The following RHOH variants were observed in gnomAD, a reference collection of about 807,000 sequenced individuals.
The protein encoded by RHOH is rho-related GTP-binding protein RhoH.
In RHOH, 6 loss-of-function variants were observed where a neutral mutation model predicts 13.8. That is an observed-to-expected ratio of 0.44 (90% CI 0.24 to 0.86). The LOEUF (loss-of-function observed/expected upper bound fraction) is 0.86. Ranked by LOEUF, RHOH falls within the 40% of genes least tolerant of loss-of-function variation. The probability of loss-of-function intolerance (pLI) is 0.24; values close to 1 mark genes in which losing one functional copy is unlikely to be tolerated. For missense variants in RHOH, 147 were observed against 244.5 expected (o/e 0.60, Z 2.66); for synonymous variants, 117 against 103.0 (o/e 1.14, Z -0.82).
At chr4:40,202,656 G>C (rs922048611) in intron 1 of RHOH, among the ~76,000 whole-genome samples, 1 of 152,198 alleles carries the variant, frequency 6.6e-6, no homozygotes, top group Non-Finnish European at 1.5e-5. Context: ...GTGAGCTGTG[G>C]ATGCTAAAGG....
intron 1 of RHOH, among the ~76,000 whole-genome samples, chr4:40,201,943 GAGTT>G (rs1438189339): frequency 2.9e-4 from 41 of 141,916 alleles, no homozygotes; most frequent in African/African-American, 1.0e-3. Context: ...TTAACTCCAT[GAGTT>G]TTTTTTTTTT....
chr4:40,245,684 C>CT lies in RHOH; in HGVS notation c.*1723dup, dbSNP rs1402919917. ...ACATCATTGTTATGGGGTAACGTGA[C>CT]TATTACACACAAAAGGTAAGGTGGC... is the stretch of plus-strand genomic sequence containing the variant. On this transcript the variant is annotated 3_prime_UTR_variant, in exon 3 of 3. Transcript: ENST00000381799. 1 of 151,982 alleles carries CT rather than the reference C, an allele frequency of 6.6e-6. No individual in the cohort carries two copies. Among genetic ancestry groups the CT allele is most frequent in the Non-Finnish European group, 1.5e-5 (1 of 68,024 alleles). 9.4% of individuals were successfully genotyped at this position (151,982 alleles called of 1,614,324 possible). A position where few individuals can be genotyped will look rare whatever the true frequency, so the allele number is the denominator to read the frequency against.
At chr4:40,212,368 T>C (rs904627046) in intron 1 of RHOH, among the ~76,000 whole-genome samples, 1 of 152,180 alleles carries the variant, frequency 6.6e-6, no homozygotes, top group Non-Finnish European at 1.5e-5. Flanking sequence ...ATGATTGATA[T>C]TGTTGAGAGT....
intron 1 of RHOH, among the ~76,000 whole-genome samples, chr4:40,216,423 C>G (rs532706310): frequency 6.6e-6 from 1 of 151,932 alleles, no homozygotes; most frequent in Non-Finnish European, 1.5e-5. Flanking sequence ...AAGCCGAGAT[C>G]GCACCACTGC....
chr4:40,211,669 C>T (rs1022882341), intron 1 of RHOH, among the ~76,000 whole-genome samples: 1 of 152,126 alleles, frequency 6.6e-6, no homozygotes, highest in African/African-American at 2.4e-5. Flanking sequence ...GTGGATGGTA[C>T]AAAGACCAAA....
chr4:40,221,237 G>A (rs1004041084), intron 1 of RHOH, among the ~76,000 whole-genome samples: 24 of 152,216 alleles, frequency 1.6e-4, no homozygotes, highest in Middle Eastern at 3.4e-3. Context: ...AAGATAGATC[G>A]CACCAGACAA....
intron 1 of RHOH, among the ~76,000 whole-genome samples, chr4:40,199,383 G>A (rs2109350702): frequency 6.6e-6 from 1 of 152,354 alleles, no homozygotes; most frequent in Middle Eastern, 3.4e-3. Context: ...GGAAAGTAGG[G>A]TGACAGGTGG....
chr4:40,237,182 G>A (rs1728684585), intron 1 of RHOH, among the ~76,000 whole-genome samples: 1 of 152,172 alleles, frequency 6.6e-6, no homozygotes, highest in Non-Finnish European at 1.5e-5. Flanking sequence ...GCCGGGTAAG[G>A]TGGCTCACGC....
At chr4:40,240,821 A>G (rs945738097) in intron 1 of RHOH, among the ~76,000 whole-genome samples, 5 of 151,800 alleles carry the variant, frequency 3.3e-5, no homozygotes, top group Non-Finnish European at 2.9e-5. Flanking sequence ...TGTCCGAAGC[A>G]TGTACATTTT....
intron 1 of RHOH, among the ~76,000 whole-genome samples, chr4:40,211,876 A>G (rs1017049426): frequency 6.6e-6 from 1 of 152,190 alleles, no homozygotes; most frequent in Non-Finnish European, 1.5e-5. Flanking sequence ...TGGGAATTAT[A>G]ATGTCAAAAT....
At position 40,244,092 on chromosome 4, in the gene RHOH, A is replaced by C; in HGVS notation, c.*130A>C. 1.4e-6 allele frequency: 1 copy of C among 722,372 alleles called. No homozygotes were observed. Among genetic ancestry groups the C allele is most frequent in the Non-Finnish European group, 2.3e-6 (1 of 437,270 alleles). The allele number at this position is 722,372 out of a possible 1,614,324, so 44.7% of individuals were successfully genotyped here. On this transcript the variant is annotated 3_prime_UTR_variant, in exon 3 of 3. Coordinates refer to ENST00000381799, the MANE Select transcript of RHOH (RefSeq NM_004310.5). ...CCAAGCAGCGTCTCCTTTTGGATACAGTTATTGATGAGGCTTGGCCACTGG... is the reference window on the plus strand; with the variant it reads ...CCAAGCAGCGTCTCCTTTTGGATACCGTTATTGATGAGGCTTGGCCACTGG...
chr4:40,229,672 C>T (rs1056196894), intron 1 of RHOH, among the ~76,000 whole-genome samples: 1 of 151,722 alleles, frequency 6.6e-6, no homozygotes, highest in African/African-American at 2.4e-5. Context: ...AAACAAAAGC[C>T]CCCACGCTTT....
intron 1 of RHOH, among the ~76,000 whole-genome samples, chr4:40,207,352 G>A (rs1192041444): frequency 2.0e-5 from 3 of 152,142 alleles, no homozygotes; most frequent in Non-Finnish European, 4.4e-5. Flanking sequence ...GCAACTATGA[G>A]TATTTTTTCT....
At chr4:40,227,558 G>A (rs1051202697) in intron 1 of RHOH, among the ~76,000 whole-genome samples, 5 of 152,078 alleles carry the variant, frequency 3.3e-5, no homozygotes, top group Non-Finnish European at 5.9e-5. Context: ...TTTTTTTTCC[G>A]CAGCAGGGAA....
chr4:40,198,761 G>A (rs1224011768), intron 1 of RHOH, among the ~76,000 whole-genome samples: 3 of 152,222 alleles, frequency 2.0e-5, no homozygotes, highest in African/African-American at 7.2e-5. Flanking sequence ...GGGAGAACGA[G>A]TTGGTTGATG....
At chr4:40,241,193 C>T (rs934333571) in intron 1 of RHOH, among the ~76,000 whole-genome samples, 19 of 152,128 alleles carry the variant, frequency 1.2e-4, no homozygotes, top group African/African-American at 3.1e-4. Context: ...TCCATGACCA[C>T]GGTGTGTGAC....
At position 40,220,619 on chromosome 4, in the gene RHOH, T is replaced by A. The variant is rs189038661; in HGVS notation, c.-330-22095T>A. 4.3e-3 allele frequency among the ~76,000 whole-genome samples: 645 copies of A among 151,658 alleles called. 5 individuals carry two copies. Among genetic ancestry groups the A allele is most frequent in the African/African-American group, 0.012 (514 of 41,328 alleles). On this transcript the variant is annotated intron_variant, in intron 1 of 2. Coordinates refer to ENST00000381799, the MANE Select transcript of RHOH (RefSeq NM_004310.5). ...ATTATTAACTAAGTAAAAAAAAAAA[T>A]TTTTTTAACCTCTGGGCCTAGTCTA...
intron 1 of RHOH, among the ~76,000 whole-genome samples, chr4:40,201,068 G>T (rs1723909329): frequency 6.6e-6 from 1 of 152,190 alleles, no homozygotes; most frequent in South Asian, 2.1e-4. Context: ...AGAAACAGAA[G>T]ATACGGTTCT....
chr4:40,215,901 C>T (rs1725819348), intron 1 of RHOH, among the ~76,000 whole-genome samples: 1 of 152,042 alleles, frequency 6.6e-6, no homozygotes, highest in South Asian at 2.1e-4. Context: ...GCCTGGGTGA[C>T]AGAGCGAGAC....
Sources: allele counts gnomAD v4.1 joint callset (sites outside exome capture counted in the v4.1 genomes callset), GRCh38; gene constraint gnomAD v4.1.1; transcripts MANE v1.5; gene names NCBI Gene and HGNC (gene_info 2026-07-23, HGNC 2026-07-21).